TMEM177: variants seen among roughly 807,000 people sequenced by gnomAD.
TMEM177 encodes the protein transmembrane protein 177.
Under a neutral mutation model 14.2 loss-of-function variants are expected in TMEM177, and 4 were observed. The observed-to-expected ratio is 0.28, with a 90% CI of 0.14 to 0.64. The LOEUF (loss-of-function observed/expected upper bound fraction) is 0.64, where lower values mean the gene tolerates loss of function less well. TMEM177 is among the 30% of genes least tolerant of loss of function. TMEM177 has a pLI of 0.82. For synonymous variants in TMEM177, 179 were observed against 174.5 expected (o/e 1.03, Z -0.20); for missense variants, 344 against 405.2 (o/e 0.85, Z 1.30).
the TMEM177 span, among the ~76,000 whole-genome samples, chr2:119,705,142 G>A: frequency 1.1e-3 from 168 of 152,340 alleles, 1 homozygote; most frequent in Non-Finnish European, 1.0e-3. Context: ...GTCCCAGGCT[G>A]ACTTTTCAAA....
At chr2:119,704,579 CA>C in the TMEM177 span, among the ~76,000 whole-genome samples, 610 of 144,308 alleles carry the variant, frequency 4.2e-3, 1 homozygote, top group Middle Eastern at 0.011. Flanking sequence ...GACTCCGTCT[CA>C]AAAAAAAAAG....
chr2:119,692,969 CAAAAAAAAA>C, the TMEM177 span, among the ~76,000 whole-genome samples: 2 of 52,194 alleles, frequency 3.8e-5, no homozygotes, highest in African/African-American at 1.8e-4. Flanking sequence ...GAGATTGTCT[CAAAAAAAAA>C]AAAAAAAAAA....
chr2:119,684,788 T>A (rs369598610), downstream of TMEM177, among the ~76,000 whole-genome samples: 1 of 152,200 alleles, frequency 6.6e-6, no homozygotes, highest in South Asian at 2.1e-4. Flanking sequence ...ATCAGGACAC[T>A]TCTGGGTCAC....
At chr2:119,689,083 T>C (rs1689059031), downstream of TMEM177, among the ~76,000 whole-genome samples, 1 of 152,196 alleles carries the variant, frequency 6.6e-6, no homozygotes, top group Admixed American at 6.5e-5. Context: ...ATGTCACACC[T>C]GTACTGTGGT....
downstream of TMEM177, among the ~76,000 whole-genome samples, chr2:119,691,128 T>G (rs1031869903): frequency 6.6e-6 from 1 of 152,184 alleles, no homozygotes; most frequent in Non-Finnish European, 1.5e-5. Context: ...TGAGGTGCCC[T>G]TGCCGGGGGG....
At chr2:119,701,559 C>T in the TMEM177 span, among the ~76,000 whole-genome samples, 2 of 152,274 alleles carry the variant, frequency 1.3e-5, no homozygotes, top group South Asian at 2.1e-4. Context: ...TCAGAAAGTC[C>T]GGTGTCCCAG....
chr2:119,681,065 A>G lies in TMEM177; in HGVS notation c.212A>G (p.Asp71Gly), dbSNP rs776090187. ...AGCCTCTTCCAAGAGGTGCTACAGG[A>G]CATAGGTGTTCCTTCAGGCCATTGC... ...LQSLFQEVLQ[D>G]IGVPSGHCYK... The change falls in exon 2 of 2, where the codon GAC (aspartate) becomes GGC (glycine). Residue 71 changes from aspartate (D) to glycine (G), a missense_variant. By Grantham distance (94) the Asp-to-Gly change is moderately conservative (BLOSUM62 -1). Transcript: ENST00000272521. 109 of 1,614,114 alleles carry G rather than the reference A, an allele frequency of 6.8e-5. No individual in the cohort carries two copies. Among genetic ancestry groups the G allele is most frequent in the Non-Finnish European group, 8.6e-5 (101 of 1,180,050 alleles).
Position 119,680,917 on chromosome 2 carries a change from G to C in TMEM177, c.64G>C (p.Gly22Arg). The C allele has an allele frequency of 6.2e-7, 1 of 1,614,234 alleles. No homozygotes were observed. The highest frequency in any genetic ancestry group is 8.5e-7 in the Non-Finnish European group (1 of 1,180,038). The change falls in exon 2 of 2, where the codon GGT becomes CGT. Residue 22 changes from glycine to arginine, a missense_variant. Transcript: ENST00000272521. ...GAGACACAGGACAGGCCTCTTGGTG[G>C]GTTCCTGTGCAGGCCTGTTTGGAGT... ...VQRHRTGLLV[G>R]SCAGLFGVPI... is the part of the protein sequence containing the mutation.
At position 119,680,845 on chromosome 2, in the gene TMEM177, AC is replaced by A. The variant is rs1157538693; in HGVS notation, c.-8del. On this transcript the variant is annotated 5_prime_UTR_variant, in exon 2 of 2. Coordinates refer to ENST00000272521, the MANE Select transcript of TMEM177 (RefSeq NM_030577.3). ...TTCTTGGCCCAGATTGTCCGCAGTG[AC>A]TACACTCATGGCAGGTCCCCTGTGG... 34 of 1,610,114 alleles carry A rather than the reference AC, an allele frequency of 2.1e-5. No homozygotes were observed. The highest frequency in any genetic ancestry group is 2.8e-5 in the Non-Finnish European group (33 of 1,177,214).
chr2:119,687,673 G>A (rs1197868837), downstream of TMEM177, among the ~76,000 whole-genome samples: 2 of 152,138 alleles, frequency 1.3e-5, no homozygotes, highest in East Asian at 1.9e-4. Context: ...TGAGATGTGG[G>A]TGGGGACACA....
At chr2:119,693,882 A>ATGC in the TMEM177 span, among the ~76,000 whole-genome samples, 4 of 1,652 alleles carry the variant, frequency 2.4e-3, no homozygotes, top group Non-Finnish European at 5.3e-3. Context: ...CACAACACAC[A>ATGC]AACATACCAC....
chr2:119,694,670 G>A, the TMEM177 span, among the ~76,000 whole-genome samples: 6 of 152,228 alleles, frequency 3.9e-5, no homozygotes, highest in South Asian at 4.1e-4. Flanking sequence ...TCACTTCCCC[G>A]CGAAAGCATT....
chr2:119,718,334 C>A, the TMEM177 span, among the ~76,000 whole-genome samples: 1 of 152,180 alleles, frequency 6.6e-6, no homozygotes, highest in African/African-American at 2.4e-5. Flanking sequence ...ACCCCACCTC[C>A]GTGAACATCC....
At chr2:119,700,605 A>C in the TMEM177 span, among the ~76,000 whole-genome samples, 5 of 152,180 alleles carry the variant, frequency 3.3e-5, no homozygotes, top group African/African-American at 1.2e-4. Flanking sequence ...CTACAGTTGC[A>C]CCCACCATCG....
At chr2:119,703,325 C>T in the TMEM177 span, among the ~76,000 whole-genome samples, 60 of 152,216 alleles carry the variant, frequency 3.9e-4, no homozygotes, top group African/African-American at 1.4e-3. Context: ...GAGGCTGGGC[C>T]TCTGGGGTTT....
chr2:119,715,105 A>AGG, the TMEM177 span, among the ~76,000 whole-genome samples: 1 of 152,192 alleles, frequency 6.6e-6, no homozygotes, highest in Admixed American at 6.5e-5. Context: ...TGGGAAGGCC[A>AGG]GGTGTGGTGG....
downstream of TMEM177, among the ~76,000 whole-genome samples, chr2:119,684,392 C>T (rs1248480754): frequency 6.6e-6 from 1 of 152,170 alleles, no homozygotes; most frequent in African/African-American, 2.4e-5. Context: ...TGTCATACAC[C>T]CAATACCTCT....
the TMEM177 span, among the ~76,000 whole-genome samples, chr2:119,711,751 G>A: frequency 6.6e-6 from 1 of 152,174 alleles, no homozygotes; most frequent in Non-Finnish European, 1.5e-5. Context: ...AAAGCAAACT[G>A]AGGACTCTTC....
At chr2:119,700,995 C>T in the TMEM177 span, among the ~76,000 whole-genome samples, 4 of 152,188 alleles carry the variant, frequency 2.6e-5, no homozygotes, top group African/African-American at 9.7e-5. Context: ...TTCTCTGATT[C>T]GCCACAGGTC....
Sources: gnomAD v4.1 joint callset for allele counts (sites outside exome capture counted in the v4.1 genomes callset) on GRCh38, gnomAD v4.1.1 for gene constraint, MANE v1.5 for transcripts, NCBI Gene and HGNC (gene_info 2026-07-23, HGNC 2026-07-21) for gene names.